FBXO34: variants seen among roughly 807,000 people sequenced by gnomAD.
FBXO34 encodes the protein F-box only protein 34.
FBXO34 carries 12 observed loss-of-function variants against 24.5 expected under a neutral mutation model. That is an observed-to-expected ratio of 0.49 (90% CI 0.31 to 0.79). The LOEUF is 0.79. Ranked by LOEUF, FBXO34 falls within the 30% of genes least tolerant of loss-of-function variation. FBXO34 has a pLI of 0.04. For missense variants in FBXO34, 823 were observed against 857.7 expected, an observed-to-expected ratio of 0.96 and a Z score of 0.51; for synonymous variants, 320 against 311.9, an observed-to-expected ratio of 1.03 and a Z score of -0.27.
the FBXO34 span, among the ~76,000 whole-genome samples, chr14:55,433,197 T>C: frequency 6.6e-6 from 1 of 152,048 alleles, no homozygotes; most frequent in East Asian, 1.9e-4. Flanking sequence ...GGTATGATCA[T>C]AGCTCATTGC....
the FBXO34 span, among the ~76,000 whole-genome samples, chr14:55,402,970 A>T: frequency 0.023 from 1,582 of 69,050 alleles, 33 homozygotes; most frequent in Non-Finnish European, 0.037. Flanking sequence ...TATATATATA[A>T]ATAGCTGGGC....
intron 1 of FBXO34, among the ~76,000 whole-genome samples, chr14:55,316,298 C>G (rs1418671595): frequency 6.6e-6 from 1 of 151,910 alleles, no homozygotes; most frequent in Non-Finnish European, 1.5e-5. Flanking sequence ...TAAACAATTC[C>G]ACTACAGGCT....
In FBXO34 at chr14:55,351,834, T is replaced by A. The variant is rs766167465; in HGVS notation, c.1444T>A (p.Leu482Met). 1.2e-5 allele frequency: 19 copies of A among 1,614,140 alleles called. No homozygotes were observed. The South Asian group carries it at 1.6e-4, about 14-fold the overall frequency. ...CTGTGAAGACCCAGTTCCAGGGATG[T>A]TGTTTTTTTTGCCACCTGGTCAGCA... is the stretch of plus-strand genomic sequence containing the variant. Reference protein sequence around the residue: ...NSCEDPVPGMLFFLPPGQHLS... With the variant: ...NSCEDPVPGMMFFLPPGQHLS... Residue 482 changes from leucine to methionine, a missense_variant, in exon 2 of 2, where the codon TTG (leucine) becomes ATG (methionine). Leu to Met is a conservative substitution (Grantham distance 15). Around this residue, in one of 2 missense-constraint regions of FBXO34, gnomAD observed 693 missense variants for 659.1 expected, o/e 1.05. Coordinates refer to ENST00000313833, the MANE Select transcript of FBXO34 (RefSeq NM_017943.4).
At chr14:55,391,471 T>TAAAAAAAAAAAAAAAA in the FBXO34 span, among the ~76,000 whole-genome samples, 1 of 75,790 alleles carries the variant, frequency 1.3e-5, no homozygotes, top group Non-Finnish European at 3.0e-5. Flanking sequence ...TGAGACTCCA[T>TAAAAAAAAAAAAAAAA]AAAAAAAAAA....
chr14:55,426,563 T>C, the FBXO34 span, among the ~76,000 whole-genome samples: 1 of 151,964 alleles, frequency 6.6e-6, no homozygotes, highest in Admixed American at 6.6e-5. Flanking sequence ...CTAAGAGGTG[T>C]TTTTAATGTT....
At chr14:55,287,723 G>A (rs1241815227) in intron 1 of FBXO34, among the ~76,000 whole-genome samples, 2 of 152,186 alleles carry the variant, frequency 1.3e-5, no homozygotes, top group African/African-American at 4.8e-5. Context: ...AAGGCATTCT[G>A]CTAGATGGCT....
At chr14:55,404,677 C>A in the FBXO34 span, among the ~76,000 whole-genome samples, 1 of 152,184 alleles carries the variant, frequency 6.6e-6, no homozygotes, top group African/African-American at 2.4e-5. Flanking sequence ...GGTGCTGCCT[C>A]TCCAGGGTTA....
the FBXO34 span, among the ~76,000 whole-genome samples, chr14:55,383,590 A>C: frequency 1.3e-5 from 2 of 151,714 alleles, no homozygotes; most frequent in South Asian, 4.2e-4. Flanking sequence ...AACAACAACA[A>C]AAAAAACCCC....
At chr14:55,326,997 G>A (rs1243194980) in intron 1 of FBXO34, among the ~76,000 whole-genome samples, 1 of 152,136 alleles carries the variant, frequency 6.6e-6, no homozygotes, top group Non-Finnish European at 1.5e-5. Context: ...AGTGGAGAGA[G>A]ATGTACCATG....
At chr14:55,427,997 TC>T in the FBXO34 span, among the ~76,000 whole-genome samples, 1 of 140,042 alleles carries the variant, frequency 7.1e-6, no homozygotes, top group Non-Finnish European at 1.5e-5. Flanking sequence ...TGCCTCAGCC[TC>T]CCAGGATTGC....
At chr14:55,298,948 A>C (rs1474129831) in intron 1 of FBXO34, 3 of 1,582,414 alleles carry the variant, frequency 1.9e-6, no homozygotes, top group Non-Finnish European at 2.6e-6. Context: ...TCTGCAGCCA[A>C]GGCCAAGAAG....
rs142557266 is a variant in FBXO34, at chr14:55,297,327, C to T, written c.-11+25790C>T. ...TTAACACAGAGTAGTTCAAATGTTG[C>T]AGTCAGATTGCTAGGGTTCACATCC... On this transcript the variant is annotated intron_variant, in intron 1 of 1. Coordinates refer to ENST00000313833, the MANE Select transcript of FBXO34 (RefSeq NM_017943.4). Among the ~76,000 whole-genome samples, 762 of 152,240 alleles carry T rather than the reference C, an allele frequency of 5.0e-3. 6 individuals carry two copies. The highest frequency in any genetic ancestry group is 0.017 in the African/African-American group (713 of 41,556).
At chr14:55,280,905 A>G (rs921040324) in intron 1 of FBXO34, among the ~76,000 whole-genome samples, 2 of 152,132 alleles carry the variant, frequency 1.3e-5, no homozygotes, top group African/African-American at 4.8e-5. Context: ...ATACTGAGGG[A>G]TGACTATAAT....
chr14:55,394,078 C>T, the FBXO34 span, among the ~76,000 whole-genome samples: 2,800 of 150,214 alleles, frequency 0.019, 83 homozygotes, highest in African/African-American at 0.061. Flanking sequence ...GCAATCTCGG[C>T]TCACTGTGAT....
chr14:55,357,457 A>AC (rs34727433), downstream of FBXO34, among the ~76,000 whole-genome samples: 1 of 152,064 alleles, frequency 6.6e-6, no homozygotes, highest in Admixed American at 6.5e-5. Context: ...TCCTTTTGGG[A>AC]CCCCCCTCTC....
intron 1 of FBXO34, among the ~76,000 whole-genome samples, chr14:55,313,778 A>G (rs1882831511): frequency 6.6e-6 from 1 of 152,168 alleles, no homozygotes; most frequent in African/African-American, 2.4e-5. Context: ...AGCATGGGGG[A>G]AACCACCCCC....
intron 1 of FBXO34, among the ~76,000 whole-genome samples, chr14:55,316,906 G>A (rs1395385701): frequency 6.6e-6 from 1 of 152,130 alleles, no homozygotes; most frequent in Non-Finnish European, 1.5e-5. Flanking sequence ...TGCTAGAGAT[G>A]TCTAGCTGTT....
chr14:55,298,018 C>CA (rs1295038652), intron 1 of FBXO34, among the ~76,000 whole-genome samples: 3 of 152,164 alleles, frequency 2.0e-5, no homozygotes, highest in Non-Finnish European at 2.9e-5. Context: ...ATTCTTTTCT[C>CA]AAAACACTTT....
the FBXO34 span, among the ~76,000 whole-genome samples, chr14:55,384,477 A>G: frequency 6.6e-6 from 1 of 152,346 alleles, no homozygotes; most frequent in South Asian, 2.1e-4. Flanking sequence ...TTTGGGGTTC[A>G]GGACTCAAGA....
Sources: gnomAD v4.1 joint callset for allele counts (sites outside exome capture counted in the v4.1 genomes callset) on GRCh38, gnomAD v4.1.1 for gene constraint, gnomAD v4.1.1 regional missense constraint, MANE v1.5 for transcripts, NCBI Gene and HGNC (gene_info 2026-07-23, HGNC 2026-07-21) for gene names.